DOT1L: variants seen among roughly 807,000 people sequenced by gnomAD.
DOT1L encodes the protein histone-lysine N-methyltransferase, H3 lysine-79 specific.
In DOT1L, 33 loss-of-function variants were observed where a neutral mutation model predicts 153.3. The observed-to-expected ratio is 0.22, with a 90% CI of 0.16 to 0.29. The LOEUF is 0.29. Ranked by LOEUF, DOT1L falls within the 10% of genes least tolerant of loss-of-function variation. The pLI is 1.00. For synonymous variants in DOT1L, 1,135 were observed against 965.1 expected (o/e 1.18, Z -3.26); for missense variants, 1,847 against 2,119.9 (o/e 0.87, Z 2.53).
intron 7 of DOT1L, 37 bp downstream of exon 7, chr19:2,194,614 G>GGCCCCCC: frequency 6.2e-7 from 1 of 1,601,696 alleles, no homozygotes; most frequent in Non-Finnish European, 8.5e-7. Flanking sequence ...CCCATCGCCG[G>GGCCCCCC]CCCCACCCCC....
chr19:2,218,926 C>T (rs947230030), intron 22 of DOT1L, among the ~76,000 whole-genome samples: 3 of 151,996 alleles, frequency 2.0e-5, no homozygotes, highest in African/African-American at 4.8e-5. Context: ...GGCAGTGGCA[C>T]GATCTTGTGA....
chr19:2,183,972 T>A (rs927335751), intron 2 of DOT1L, among the ~76,000 whole-genome samples: 4 of 152,160 alleles, frequency 2.6e-5, no homozygotes, highest in African/African-American at 7.2e-5. Context: ...GCTGCTAGTA[T>A]GTGTAAAGAC....
At chr19:2,183,094 A>G (rs1162804116) in intron 2 of DOT1L, among the ~76,000 whole-genome samples, 1 of 152,132 alleles carries the variant, frequency 6.6e-6, no homozygotes, top group Non-Finnish European at 1.5e-5. Context: ...CACTTCCTCT[A>G]GAAACACCGA....
intron 19 of DOT1L, chr19:2,215,479 T>A (rs1158550345): frequency 1.3e-5 from 2 of 152,348 alleles, no homozygotes; most frequent in Admixed American, 6.5e-5. Flanking sequence ...GTCGACACTG[T>A]GCCCGCCTGC....
intron 27 of DOT1L, chr19:2,228,538 G>A (rs2024466386): frequency 3.0e-6 from 3 of 985,300 alleles, no homozygotes; most frequent in Admixed American, 1.2e-4. Flanking sequence ...CGCGAGAGGA[G>A]GGACTACAGG....
intron 2 of DOT1L, among the ~76,000 whole-genome samples, chr19:2,184,053 T>A (rs1317664206): frequency 6.6e-6 from 1 of 152,150 alleles, no homozygotes; most frequent in African/African-American, 2.4e-5. Flanking sequence ...CTCAGCACGC[T>A]CTGTGGCGCA....
rs778744202 is a variant in DOT1L, at chr19:2,213,984, C to T, written c.1795C>T (p.Leu599=). 6.2e-7 allele frequency: 1 copy of T among 1,612,234 alleles called. No homozygotes were observed. Residue 599 remains leucine (L), a splice_region_variant and synonymous_variant, in exon 18 of 28, where the codon CTG becomes TTG. Transcript: ENST00000398665. The part of the protein sequence containing the change: ...NRALRGQSLQ[L]LKARCEELQL... ...CGCGCTCCGCGGCCAGAGCTTGCAG[C>T]TGGTGGGTGCCGCGGCGCAAGGACA...
Position 2,188,959 on chromosome 19 carries a change from CT to C in DOT1L, c.201-772del, listed in dbSNP as rs963204622. ...GCACTCCCTGGAGCACAGGTGCCCC[CT>C]GCCCTCTGGTGGGCTCTGCCCCGAT... On this transcript the variant is annotated intron_variant, in intron 3 of 27. Coordinates refer to ENST00000398665, the MANE Select transcript of DOT1L (RefSeq NM_032482.3). 1.6e-3 allele frequency among the ~76,000 whole-genome samples: 247 copies of C among 152,356 alleles called. 1 individual carries two copies. Among genetic ancestry groups the C allele is most frequent in the African/African-American group, 5.4e-3 (223 of 41,582 alleles).
chr19:2,212,746 G>A (rs1225570041), intron 16 of DOT1L: 2 of 152,242 alleles, frequency 1.3e-5, no homozygotes, highest in Non-Finnish European at 2.9e-5. Context: ...TCTGTAGTTT[G>A]CTGACCTAAG....
chr19:2,226,353 G>A lies in DOT1L; in HGVS notation c.3832G>A (p.Ala1278Thr), dbSNP rs758688224. 8.8e-6 allele frequency: 14 copies of A among 1,592,536 alleles called. No homozygotes were observed. The East Asian group carries it at 1.6e-4, about 18-fold the overall frequency. Residue 1278 changes from alanine (A) to threonine (T), a missense_variant, in exon 27 of 28, where the codon GCC becomes ACC. Coordinates refer to ENST00000398665, the MANE Select transcript of DOT1L (RefSeq NM_032482.3). ...SQNSLFTFRP[A>T]LEEPSADAKL... ...GAACTCCCTGTTCACGTTCCGGCCC[G>A]CCCTGGAGGAGCCCTCTGCCGATGC... is the stretch of plus-strand genomic sequence containing the variant.
intron 27 of DOT1L, chr19:2,228,327 T>G: frequency 7.5e-7 from 1 of 1,335,538 alleles, no homozygotes; most frequent in Non-Finnish European, 9.9e-7. Flanking sequence ...CGCGCACCTT[T>G]CGGGGGTTAA....
Position 2,180,694 on chromosome 19 carries a change from A to G in DOT1L, c.82-19A>G, listed in dbSNP as rs2022191379. The G allele has an allele frequency of 6.2e-7, 1 of 1,613,678 alleles. No homozygotes were observed. The highest frequency in any genetic ancestry group is 1.7e-5 in the Admixed American group (1 of 59,970). On this transcript the variant is annotated intron_variant, in intron 1 of 27. Transcript: ENST00000398665. Reference sequence around the variant, plus strand: ...GGTGGAGGATGGCTCTGCGTCTCAAACTTCTCTCTCTGTTTCAGGATAAAC... The same window carrying G: ...GGTGGAGGATGGCTCTGCGTCTCAAGCTTCTCTCTCTGTTTCAGGATAAAC...
chr19:2,187,821 C>A (rs927108684), intron 3 of DOT1L, among the ~76,000 whole-genome samples: 1 of 151,296 alleles, frequency 6.6e-6, no homozygotes, highest in African/African-American at 2.4e-5. Flanking sequence ...AGTCAGGAGG[C>A]TGAGGCAGGA....
Position 2,232,152 on chromosome 19 carries a change from G to T in DOT1L, c.*2360G>T. The T allele has an allele frequency of 4.4e-6, 1 of 224,806 alleles. No homozygotes were observed. Among genetic ancestry groups the T allele is most frequent in the South Asian group, 1.8e-4 (1 of 5,546 alleles). 13.9% of individuals were successfully genotyped at this position (224,806 alleles called of 1,614,324 possible). A position where few individuals can be genotyped will look rare whatever the true frequency, so the allele number is the denominator to read the frequency against. On this transcript the variant is annotated 3_prime_UTR_variant, in exon 28 of 28. Coordinates refer to ENST00000398665, the MANE Select transcript of DOT1L (RefSeq NM_032482.3). ...GCAGCTGGCGGGGACCTGTGCTGCT[G>T]CTGCTGACTGTGGGTGGGCGGGCGG...
intron 9 of DOT1L, among the ~76,000 whole-genome samples, chr19:2,206,521 C>CAA (rs5826758): frequency 7.5e-4 from 60 of 80,432 alleles, no homozygotes; most frequent in East Asian, 2.2e-3. Flanking sequence ...GACTCTGTCT[C>CAA]AAAAAAAAAA....
In DOT1L at chr19:2,189,069, G is replaced by A. The variant is rs530280768; in HGVS notation, c.201-663G>A. ...GGCAGAGTTGCTGCGGGGGGACTGA[G>A]TCTCACTGTGGACCCTGCTGTGCCG... is the stretch of plus-strand genomic sequence containing the variant. On this transcript the variant is annotated intron_variant, in intron 3 of 27. Coordinates refer to ENST00000398665, the MANE Select transcript of DOT1L (RefSeq NM_032482.3). 1.1e-4 allele frequency among the ~76,000 whole-genome samples: 16 copies of A among 152,312 alleles called. No homozygotes were observed. In the South Asian group the frequency reaches 1.5e-3, roughly 14 times the overall value.
chr19:2,218,038 G>A, intron 22 of DOT1L, 120 bp downstream of exon 22: 1 of 1,413,522 alleles, frequency 7.1e-7, no homozygotes, highest in Middle Eastern at 2.5e-4. Context: ...GTGAGGCAAT[G>A]CAGTCAAGGT....
At chr19:2,223,631 G>A in intron 25 of DOT1L, 145 bp downstream of exon 25, 1 of 1,022,664 alleles carries the variant, frequency 9.8e-7, no homozygotes. Flanking sequence ...TCTGTTTTGT[G>A]AGGGGCCTCC....
intron 16 of DOT1L, chr19:2,213,151 G>C: frequency 5.3e-6 from 1 of 189,826 alleles, no homozygotes; most frequent in South Asian, 1.0e-4. Flanking sequence ...GTGGGCCTCC[G>C]GACACTGAGT....
Sources: gnomAD v4.1 joint callset for allele counts (sites outside exome capture counted in the v4.1 genomes callset) on GRCh38, gnomAD v4.1.1 for gene constraint, MANE v1.5 for transcripts, NCBI Gene and HGNC (gene_info 2026-07-23, HGNC 2026-07-21) for gene names.